LAMB3: variants seen among roughly 807,000 people sequenced by gnomAD.
LAMB3 encodes laminin subunit beta-3.
A neutral mutation model predicts 140.3 loss-of-function variants in LAMB3; 104 were observed. The observed-to-expected ratio is 0.74, with a 90% CI of 0.63 to 0.87. LAMB3 has a LOEUF of 0.87. Among genes scored for constraint, LAMB3 ranks in the 40% least tolerant of loss-of-function variants. The probability of loss-of-function intolerance (pLI) is 0.00; values close to 1 mark genes in which losing one functional copy is unlikely to be tolerated. For missense variants in LAMB3, 1,531 were observed against 1,575.2 expected (o/e 0.97, Z 0.47); for synonymous variants, 592 against 602.9 (o/e 0.98, Z 0.26).
chr1:209,638,718 T>C lies in LAMB3; in HGVS notation c.184-70A>G, dbSNP rs2076357. ...TAGAATTCCCCCTTGCGTCCTGAGA[T>C]CCCAGCATATCTCCTCTGTGGAAAT... On this transcript the variant is annotated intron_variant, in intron 3 of 22. Transcript: ENST00000356082. The C allele has an allele frequency of 0.65, 597,559 of 912,354 alleles. 198,318 individuals are homozygous for C. The highest frequency in any genetic ancestry group is 0.75 in the Middle Eastern group (2,911 of 3,902). 56.5% of individuals were successfully genotyped at this position (912,354 alleles called of 1,614,324 possible).
rs919301382 is a variant in LAMB3 at position 209,627,716 on chromosome 1, A to T, written c.1289-137T>A. 9.4e-6 allele frequency: 8 copies of T among 850,984 alleles called. No homozygotes were observed. The Admixed American group carries it at 1.7e-4, about 18-fold the overall frequency. 52.7% of individuals were successfully genotyped at this position (850,984 alleles called of 1,614,324 possible). On this transcript the variant is annotated intron_variant, in intron 11 of 22. Coordinates refer to ENST00000356082, the MANE Select transcript of LAMB3 (RefSeq NM_000228.3). The stretch of plus-strand genomic sequence containing the variant: ...TCCCTGCAGATGACATGGCTGACTC[A>T]CAGGACCCCTGCGCTGTCCCACCAG...
Position 209,615,179 on chromosome 1 carries a change from C to G in LAMB3, c.*92G>C. 3 of 1,551,232 alleles carry G rather than the reference C, an allele frequency of 1.9e-6. No homozygotes were observed. The highest frequency in any genetic ancestry group is 2.2e-5 in the South Asian group (2 of 88,976). ...GCTGTACTTTAGGCTGCATGAAAGT[C>G]TCCTGGAGATGGAAAGCATTCCAAC... On this transcript the variant is annotated 3_prime_UTR_variant, in exon 23 of 23. Coordinates refer to ENST00000356082, the MANE Select transcript of LAMB3 (RefSeq NM_000228.3).
chr1:209,623,542 A>T lies in LAMB3; in HGVS notation c.2321T>A (p.Met774Lys). The change falls in exon 16 of 23, where the codon ATG becomes AAG. Residue 774 changes from methionine (M) to lysine (K), a missense_variant. By Grantham distance (95) the Met-to-Lys change is moderately conservative. Transcript: ENST00000356082. This position sits in a 1 kb window ranked among gnomAD's most constrained non-coding sequence, Gnocchi z 4.2. ...SPKLVALRLE[M>K]SSLPDLTPTF... The stretch of plus-strand genomic sequence containing the variant: ...GGGTGTCAGGTCAGGCAACGAAGAC[A>T]TCTCCAGCCTCAGGGCCACAAGCTT... The T allele has an allele frequency of 6.2e-7, 1 of 1,614,236 alleles. No homozygotes were observed. The highest frequency in any genetic ancestry group is 8.5e-7 in the Non-Finnish European group (1 of 1,180,038).
At chr1:209,624,356 G>T (rs1666338775) in intron 14 of LAMB3, among the ~76,000 whole-genome samples, 1 of 152,168 alleles carries the variant, frequency 6.6e-6, no homozygotes, top group Non-Finnish European at 1.5e-5. Flanking sequence ...CATCTGTACA[G>T]CTGCAGCTCC....
chr1:209,615,922 T>C (rs1665943986), intron 22 of LAMB3, among the ~76,000 whole-genome samples: 1 of 152,130 alleles, frequency 6.6e-6, no homozygotes, highest in Non-Finnish European at 1.5e-5. Context: ...GCCACTTCTT[T>C]CCTACCAGCT....
intron 18 of LAMB3, among the ~76,000 whole-genome samples, chr1:209,619,997 C>T (rs1052924380): frequency 2.0e-5 from 3 of 152,198 alleles, no homozygotes; most frequent in Admixed American, 2.0e-4. Context: ...CTCTTCTAAC[C>T]CAGAGTCCCA....
chr1:209,634,309 G>T, intron 6 of LAMB3, 138 bp downstream of exon 6: 1 of 850,270 alleles, frequency 1.2e-6, no homozygotes. Flanking sequence ...GGTCATTACT[G>T]GTGGGAATTC....
chr1:209,622,183 T>C (rs1234710747), intron 18 of LAMB3, among the ~76,000 whole-genome samples: 1 of 152,180 alleles, frequency 6.6e-6, no homozygotes, highest in East Asian at 1.9e-4. Flanking sequence ...TCCCAAGAGA[T>C]GGACAGAGGC....
In LAMB3 at chr1:209,628,096, G is replaced by A; in HGVS notation, c.1227C>T (p.Arg409=). ...TGAAGCCCGGCTTGCATAGGTCACA[G>A]CGCTCTCCCTGCACATGCTCCTTGC... ...CVCKEHVQGE[R]CDLCKPGFTG... is the part of the protein sequence containing the mutation. Residue 409 remains arginine, a synonymous_variant, in exon 11 of 23, where the codon CGC becomes CGT. Coordinates refer to ENST00000356082, the MANE Select transcript of LAMB3 (RefSeq NM_000228.3). The A allele has an allele frequency of 6.2e-7, 1 of 1,603,410 alleles. No homozygotes were observed. The highest frequency in any genetic ancestry group is 2.3e-5 in the East Asian group (1 of 44,352).
intron 3 of LAMB3, among the ~76,000 whole-genome samples, chr1:209,647,940 A>C (rs1485435696): frequency 1.3e-5 from 2 of 152,244 alleles, no homozygotes; most frequent in Non-Finnish European, 2.9e-5. Context: ...AGTATCATTT[A>C]ATAACAAAAT....
chr1:209,637,121 C>A (rs1055520399), intron 5 of LAMB3, among the ~76,000 whole-genome samples: 3 of 152,186 alleles, frequency 2.0e-5, no homozygotes, highest in African/African-American at 7.2e-5. Context: ...AGAGACTGGG[C>A]ATTTATTCAA....
Position 209,623,571 on chromosome 1 carries a change from GCTGCCGGTGC to G in LAMB3, c.2282_2291del (p.Gly761AlafsTer7). ...CCAGCCTCAGGGCCACAAGCTTGGG[GCTGCCGGTGC>G]CTCCTCCTCCTCCCGCCTGCCGCAC... On this transcript the variant is annotated frameshift_variant, in exon 16 of 23. Transcript: ENST00000356082. LOFTEE classifies it high-confidence loss of function. The surrounding 1 kb of genome is among the most constrained non-coding windows in gnomAD (Gnocchi z 4.2). 6.2e-7 allele frequency: 1 copy of G among 1,614,194 alleles called. No homozygotes were observed. The highest frequency in any genetic ancestry group is 8.5e-7 in the Non-Finnish European group (1 of 1,180,028).
chr1:209,625,563 CA>C, intron 14 of LAMB3, 84 bp downstream of exon 14: 2 of 1,525,240 alleles, frequency 1.3e-6, no homozygotes, highest in Non-Finnish European at 1.8e-6. Flanking sequence ...ATGCACTGTA[CA>C]AATGTAAGGA....
In LAMB3 at chr1:209,618,482, C is replaced by T. The variant is rs141894965; in HGVS notation, c.2879G>A (p.Arg960His). ...SQTKQDIARA[R>H]RLQAEAEEAR... ...TTCCTCAGCCTCAGCCTGCAACCGGCGGGCACGCGCAATGTCCTGCTTGGT... is the reference window on the plus strand; with the variant it reads ...TTCCTCAGCCTCAGCCTGCAACCGGTGGGCACGCGCAATGTCCTGCTTGGT... The change falls in exon 19 of 23, where the codon CGC becomes CAC. Residue 960 changes from arginine (R) to histidine (H), a missense_variant. By Grantham distance (29) the Arg-to-His change is conservative. Transcript: ENST00000356082. 1.1e-5 allele frequency: 17 copies of T among 1,614,178 alleles called. No individual in the cohort carries two copies. The highest frequency in any genetic ancestry group is 8.9e-5 in the East Asian group (4 of 44,882).
intron 8 of LAMB3, among the ~76,000 whole-genome samples, chr1:209,632,121 G>A (rs953069395): frequency 6.6e-6 from 1 of 152,112 alleles, no homozygotes; most frequent in African/African-American, 2.4e-5. Context: ...CTAAACATTG[G>A]TCTCTCACCG....
Position 209,623,551 on chromosome 1 carries a change from C to T in LAMB3, c.2312G>A (p.Arg771Lys). ...GTCAGGCAACGAAGACATCTCCAGC[C>T]TCAGGGCCACAAGCTTGGGGCTGCC... ...GTGSPKLVAL[R>K]LEMSSLPDLT... Residue 771 changes from arginine to lysine, a missense_variant, in exon 16 of 23, where the codon AGG becomes AAG. Transcript: ENST00000356082. This position sits in a 1 kb window ranked among gnomAD's most constrained non-coding sequence, Gnocchi z 4.2. 1.9e-6 allele frequency: 3 copies of T among 1,614,232 alleles called. No homozygotes were observed. The highest frequency in any genetic ancestry group is 2.5e-6 in the Non-Finnish European group (3 of 1,180,044).
At chr1:209,632,903 C>T (rs1666746689) in intron 7 of LAMB3, 127 bp from the exon 8 acceptor site, 2 of 1,055,392 alleles carry the variant, frequency 1.9e-6, no homozygotes, top group Admixed American at 1.9e-5. Context: ...TCAACCATCC[C>T]ATAGCATCCC....
At chr1:209,640,330 A>T (rs2076456870) in intron 3 of LAMB3, among the ~76,000 whole-genome samples, 2 of 152,166 alleles carry the variant, frequency 1.3e-5, no homozygotes, top group African/African-American at 4.8e-5. Context: ...CAGGCAGATC[A>T]CGAGGTCAGG....
intron 3 of LAMB3, among the ~76,000 whole-genome samples, chr1:209,646,138 A>T (rs886220792): frequency 6.6e-6 from 1 of 152,226 alleles, no homozygotes; most frequent in African/African-American, 2.4e-5. Flanking sequence ...TAAAGCATTT[A>T]GGGGAGCAGA....
Sources: allele counts gnomAD v4.1 joint callset (sites outside exome capture counted in the v4.1 genomes callset), GRCh38; gene constraint gnomAD v4.1.1; non-coding constraint Gnocchi (gnomAD v3.1); transcripts MANE v1.5; gene names NCBI Gene and HGNC (gene_info 2026-07-23, HGNC 2026-07-21).